The following NFYC variants were observed in gnomAD, a reference collection of about 807,000 sequenced individuals.
The protein encoded by NFYC is nuclear transcription factor Y subunit gamma, also known as CAAT box DNA-binding protein subunit C.
NFYC carries 25 observed loss-of-function variants against 53.1 expected under a neutral mutation model. The observed-to-expected ratio is 0.47, with a 90% CI of 0.34 to 0.66. The LOEUF (loss-of-function observed/expected upper bound fraction) is 0.66. Ranked by LOEUF, NFYC falls within the 30% of genes least tolerant of loss-of-function variation. The pLI, the probability that NFYC is intolerant of heterozygous loss-of-function variation, is 0.01. For synonymous variants in NFYC, 145 were observed against 152.6 expected (o/e 0.95, Z 0.37); for missense variants, 260 against 422.7 (o/e 0.62, Z 3.38).
intron 1 of NFYC, among the ~76,000 whole-genome samples, chr1:40,724,237 G>A (rs1225255239): frequency 2.6e-5 from 4 of 152,122 alleles, no homozygotes; most frequent in Admixed American, 2.6e-4. Context: ...GTGTGATGGC[G>A]GGTGCCTATA....
chr1:40,763,211 GAT>G lies in NFYC; in HGVS notation c.720+174_720+175del, dbSNP rs369784828. Among the ~76,000 whole-genome samples, 13 of 145,238 alleles carry G rather than the reference GAT, an allele frequency of 9.0e-5. 1 individual carries two copies. The East Asian group carries it at 1.5e-3, about 16-fold the overall frequency. ...ATATCTATAGCTATATATATACCTT[GAT>G]ATATATATGTATGTCTCTATATATA... is the stretch of plus-strand genomic sequence containing the variant. On this transcript the variant is annotated intron_variant, in intron 7 of 9. Transcript: ENST00000447388.
intron 2 of NFYC, among the ~76,000 whole-genome samples, 166 bp downstream of exon 2, chr1:40,739,114 C>T (rs560830171): frequency 1.5e-3 from 222 of 152,282 alleles, no homozygotes; most frequent in Middle Eastern, 3.4e-3. Context: ...ATTTGCCTTC[C>T]GTGAGGTAAC....
intron 8 of NFYC, 199 bp downstream of exon 8, chr1:40,766,902 C>T (rs1448497723): frequency 1.9e-6 from 3 of 1,551,898 alleles, no homozygotes; most frequent in Non-Finnish European, 2.6e-6. Context: ...TTTTCTCTTA[C>T]CATCTTGTTC....
At chr1:40,764,433 A>T (rs1646715586) in intron 7 of NFYC, among the ~76,000 whole-genome samples, 1 of 152,228 alleles carries the variant, frequency 6.6e-6, no homozygotes, top group African/African-American at 2.4e-5. Flanking sequence ...AGGATTGCAG[A>T]TGACTGAGCT....
intron 5 of NFYC, among the ~76,000 whole-genome samples, chr1:40,757,742 G>A (rs928508): frequency 0.5 from 75,843 of 152,102 alleles, 19,878 homozygotes; most frequent in Non-Finnish European, 0.59. Context: ...TGATGTTTGG[G>A]TAGCATCTTC....
chr1:40,747,842 T>G (rs1342191375), intron 3 of NFYC, among the ~76,000 whole-genome samples: 2 of 129,602 alleles, frequency 1.5e-5, no homozygotes, highest in Admixed American at 1.5e-4. Flanking sequence ...TGATGTTGGG[T>G]TTTTTTTTTT....
intron 1 of NFYC, among the ~76,000 whole-genome samples, chr1:40,701,341 C>T (rs1643424361): frequency 6.6e-6 from 1 of 152,188 alleles, no homozygotes; most frequent in African/African-American, 2.4e-5. Flanking sequence ...TCTCAAACTC[C>T]TGACTTCAGT....
At chr1:40,738,135 CT>C (rs1324803989) in intron 1 of NFYC, among the ~76,000 whole-genome samples, 2 of 152,052 alleles carry the variant, frequency 1.3e-5, no homozygotes, top group African/African-American at 2.4e-5. Context: ...ATCTCCTGAC[CT>C]TGTGATCCGC....
intron 1 of NFYC, among the ~76,000 whole-genome samples, chr1:40,705,405 C>T (rs937459449): frequency 2.0e-5 from 3 of 150,888 alleles, no homozygotes; most frequent in Non-Finnish European, 3.0e-5. Flanking sequence ...TCTGCCTTCT[C>T]TTCCCAGGAT....
chr1:40,693,515 A>C (rs1174407550), intron 1 of NFYC, among the ~76,000 whole-genome samples: 1 of 152,218 alleles, frequency 6.6e-6, no homozygotes, highest in Non-Finnish European at 1.5e-5. Flanking sequence ...TTTTATGTGA[A>C]TGCAACTACA....
chr1:40,729,044 A>G (rs1166214559), intron 1 of NFYC, among the ~76,000 whole-genome samples: 1 of 152,222 alleles, frequency 6.6e-6, no homozygotes, highest in African/African-American at 2.4e-5. Context: ...TAAATAGTCA[A>G]CCACGCTGTA....
intron 8 of NFYC, chr1:40,767,022 CG>C: frequency 6.6e-7 from 1 of 1,516,598 alleles, no homozygotes; most frequent in East Asian, 2.5e-5. Flanking sequence ...ATCGCCTGAT[CG>C]TCAGGCTGTT....
rs1035624543 is a variant in NFYC at position 40,691,780 on chromosome 1, T to G, written c.-96T>G. 2 of 452,940 alleles carry G rather than the reference T, an allele frequency of 4.4e-6. No homozygotes were observed. The highest frequency in any genetic ancestry group is 8.9e-6 in the Non-Finnish European group (2 of 225,410). 28.1% of individuals were successfully genotyped at this position (452,940 alleles called of 1,614,324 possible). A position where few individuals can be genotyped will look rare whatever the true frequency, so the allele number is the denominator to read the frequency against. On this transcript the variant is annotated 5_prime_UTR_variant, in exon 1 of 10. Coordinates refer to ENST00000447388, the MANE Select transcript of NFYC (RefSeq NM_014223.5). ...GTTCTCCGTGACGCACACTTCCCCC[T>G]CCCCTCCGCCGCGCCTGGGCCTCTG...
chr1:40,759,400 G>A (rs1013457901), intron 6 of NFYC, among the ~76,000 whole-genome samples: 5 of 152,056 alleles, frequency 3.3e-5, no homozygotes, highest in African/African-American at 1.2e-4. Flanking sequence ...GCCAGCCATG[G>A]TGGCATGCTC....
chr1:40,714,028 G>A (rs915557177), intron 1 of NFYC, among the ~76,000 whole-genome samples: 2 of 152,198 alleles, frequency 1.3e-5, no homozygotes, highest in African/African-American at 4.8e-5. Context: ...AGCTAATGGT[G>A]TTCACCTGTG....
intron 6 of NFYC, among the ~76,000 whole-genome samples, chr1:40,759,372 C>T (rs1160068315): frequency 5.3e-5 from 8 of 151,850 alleles, no homozygotes; most frequent in Admixed American, 4.6e-4. Context: ...TTGTCTCCAC[C>T]AGAACATCAG....
intron 1 of NFYC, among the ~76,000 whole-genome samples, chr1:40,721,249 T>C (rs182672543): frequency 6.6e-6 from 1 of 152,350 alleles, no homozygotes; most frequent in East Asian, 1.9e-4. Flanking sequence ...TTATCAATGC[T>C]ATTGCAGAAG....
intron 1 of NFYC, among the ~76,000 whole-genome samples, chr1:40,715,713 AT>A (rs1159570001): frequency 6.6e-6 from 1 of 152,142 alleles, no homozygotes; most frequent in Non-Finnish European, 1.5e-5. Context: ...TACTTATAGT[AT>A]TTTTTCTAAA....
intron 7 of NFYC, among the ~76,000 whole-genome samples, chr1:40,763,837 A>AC (rs575308391): frequency 1.8e-4 from 28 of 152,288 alleles, no homozygotes; most frequent in African/African-American, 6.7e-4. Context: ...AATCATTGTA[A>AC]CCACTACCCA....
Sources: allele counts gnomAD v4.1 joint callset (sites outside exome capture counted in the v4.1 genomes callset), GRCh38; gene constraint gnomAD v4.1.1; transcripts MANE v1.5; gene names NCBI Gene and HGNC (gene_info 2026-07-23, HGNC 2026-07-21).